The following LDLRAD4 variants were observed in gnomAD, a reference collection of about 807,000 sequenced individuals.
LDLRAD4 encodes the protein low density lipoprotein receptor class A domain containing 4.
A neutral mutation model predicts 17.0 loss-of-function variants in LDLRAD4; 5 were observed. The ratio of observed to expected loss-of-function variants is 0.29; its 90% CI spans 0.15 to 0.62. LDLRAD4 has a LOEUF of 0.62. Ranked by LOEUF, LDLRAD4 falls within the 20% of genes least tolerant of loss-of-function variation. The pLI is 0.84. For synonymous variants in LDLRAD4, 168 were observed against 171.8 expected (o/e 0.98, Z 0.17); for missense variants, 340 against 424.7 (o/e 0.80, Z 1.75).
intron 2 of LDLRAD4, among the ~76,000 whole-genome samples, chr18:13,433,877 C>G (rs1053219718): frequency 6.6e-6 from 1 of 152,118 alleles, no homozygotes; most frequent in Admixed American, 6.5e-5. Context: ...ACCCAACTGG[C>G]TGATGTTAGT....
At chr18:13,293,225 A>G (rs1003062247) in intron 1 of LDLRAD4, among the ~76,000 whole-genome samples, 3 of 152,194 alleles carry the variant, frequency 2.0e-5, no homozygotes, top group Admixed American at 2.0e-4. Context: ...TTTTCTAGAC[A>G]TATTCATTTA....
intron 1 of LDLRAD4, among the ~76,000 whole-genome samples, chr18:13,252,481 G>T (rs1270274323): frequency 6.6e-6 from 1 of 152,250 alleles, no homozygotes; most frequent in Non-Finnish European, 1.5e-5. Flanking sequence ...TAGGTGCGGG[G>T]ACCCAGGGTG....
At chr18:13,217,956 G>GCGCGCCGCGCTCCCCGCCGGCCCGC (rs2041248286), upstream of LDLRAD4, 1 of 149,244 alleles carries the variant, frequency 6.7e-6, no homozygotes. The surrounding 1 kb of genome is among the most constrained non-coding windows in gnomAD (Gnocchi z 4.9). Context: ...AAGAACCCCG[G>GCGCGCCGCGCTCCCCGCCGGCCCGC]CGCGCCGCGC....
intron 3 of LDLRAD4, among the ~76,000 whole-genome samples, chr18:13,594,959 G>T (rs1470355865): frequency 6.6e-6 from 1 of 151,930 alleles, no homozygotes; most frequent in African/African-American, 2.4e-5. Context: ...TCTTGATTTA[G>T]TTTTGGTCAT....
intron 2 of LDLRAD4, among the ~76,000 whole-genome samples, chr18:13,408,373 CAAAA>C (rs1409612495): frequency 1.9e-5 from 1 of 51,904 alleles, no homozygotes; most frequent in African/African-American, 6.5e-5. Flanking sequence ...GACCCTGTCT[CAAAA>C]AAAAAAAAAA....
rs572342042 is a variant in LDLRAD4 at position 13,624,162 on chromosome 18, G to T, written c.336+2891G>T. ...TGAGGCGGAGGAGCCGGCCCCACCAGGTGCTGAGCACTGCCGGACCCACCA... is the reference window on the plus strand; with the variant it reads ...TGAGGCGGAGGAGCCGGCCCCACCATGTGCTGAGCACTGCCGGACCCACCA... On this transcript the variant is annotated intron_variant, in intron 4 of 5. Transcript: ENST00000359446. 1.9e-4 allele frequency among the ~76,000 whole-genome samples: 17 copies of T among 91,488 alleles called. 1 individual carries two copies. The South Asian group carries it at 5.3e-3, about 28-fold the overall frequency. The allele number at this position is 91,488 out of a possible 152,430, so 60.0% of individuals were successfully genotyped here.
At chr18:13,628,570 C>G (rs975997049) in intron 4 of LDLRAD4, among the ~76,000 whole-genome samples, 1 of 152,216 alleles carries the variant, frequency 6.6e-6, no homozygotes, top group Admixed American at 6.5e-5. Flanking sequence ...TTTGCTATGT[C>G]TAATTGAAGC....
At chr18:13,607,118 G>C (rs2095232558) in intron 3 of LDLRAD4, among the ~76,000 whole-genome samples, 3 of 152,208 alleles carry the variant, frequency 2.0e-5, no homozygotes, top group African/African-American at 7.2e-5. Flanking sequence ...TTCTGAGCTT[G>C]CTACCACTGA....
At chr18:13,383,330 G>A (rs2085529040) in intron 1 of LDLRAD4, among the ~76,000 whole-genome samples, 1 of 152,216 alleles carries the variant, frequency 6.6e-6, no homozygotes, top group African/African-American at 2.4e-5. Context: ...GCACTTGTGG[G>A]GGAGACGGGC....
At chr18:13,303,185 C>A (rs1354127432) in intron 1 of LDLRAD4, among the ~76,000 whole-genome samples, 1 of 152,226 alleles carries the variant, frequency 6.6e-6, no homozygotes, top group Non-Finnish European at 1.5e-5. Context: ...GGTGCCTAGA[C>A]CCCGGCCCAG....
At chr18:13,369,812 C>G (rs1261670568) in intron 1 of LDLRAD4, among the ~76,000 whole-genome samples, 5 of 152,214 alleles carry the variant, frequency 3.3e-5, no homozygotes, top group Non-Finnish European at 5.9e-5. Context: ...TGGTAATAAA[C>G]TCCACGTGGG....
chr18:13,620,117 C>A (rs754661195), intron 3 of LDLRAD4, among the ~76,000 whole-genome samples: 26 of 152,278 alleles, frequency 1.7e-4, no homozygotes, highest in Middle Eastern at 3.4e-3. Context: ...ACTGGGGAGG[C>A]ACCACCTGAT....
chr18:13,628,266 G>T (rs573225201), intron 4 of LDLRAD4, among the ~76,000 whole-genome samples: 48 of 152,172 alleles, frequency 3.2e-4, no homozygotes, highest in African/African-American at 1.2e-3. Flanking sequence ...AGTTGTACTC[G>T]GTCTGCCTCT....
chr18:13,546,602 T>C (rs910114301), intron 3 of LDLRAD4, among the ~76,000 whole-genome samples: 16 of 152,090 alleles, frequency 1.1e-4, no homozygotes, highest in Admixed American at 5.9e-4. Context: ...TTTTTTTAAA[T>C]ACCACACACT....
intron 1 of LDLRAD4, among the ~76,000 whole-genome samples, chr18:13,225,476 G>T (rs1177938998): frequency 6.6e-6 from 1 of 152,232 alleles, no homozygotes; most frequent in African/African-American, 2.4e-5. Flanking sequence ...GCATGGGGCT[G>T]ATTAAGTTAC....
At chr18:13,532,413 G>C (rs1338501758) in intron 3 of LDLRAD4, among the ~76,000 whole-genome samples, 1 of 152,198 alleles carries the variant, frequency 6.6e-6, no homozygotes, top group East Asian at 1.9e-4. Context: ...ACTAGGATTT[G>C]GTGATCTGAG....
At chr18:13,543,681 G>A (rs183943603) in intron 3 of LDLRAD4, 2 of 152,314 alleles carry the variant, frequency 1.3e-5, no homozygotes, top group Admixed American at 1.3e-4. Context: ...GTAGATTGGT[G>A]GAGTCACCTG....
At chr18:13,551,879 G>C (rs2094438425) in intron 3 of LDLRAD4, among the ~76,000 whole-genome samples, 1 of 152,200 alleles carries the variant, frequency 6.6e-6, no homozygotes, top group East Asian at 1.9e-4. Flanking sequence ...TATGGTGCCA[G>C]CATCTGTTTC....
chr18:13,222,687 A>G (rs2041528566), intron 1 of LDLRAD4, among the ~76,000 whole-genome samples: 1 of 152,078 alleles, frequency 6.6e-6, no homozygotes, highest in Non-Finnish European at 1.5e-5. Context: ...CCTTGCTTTT[A>G]TTTTTGGCTC....
Sources: allele counts gnomAD v4.1 joint callset (sites outside exome capture counted in the v4.1 genomes callset), GRCh38; gene constraint gnomAD v4.1.1; non-coding constraint Gnocchi (gnomAD v3.1); transcripts MANE v1.5; gene names NCBI Gene and HGNC (gene_info 2026-07-23, HGNC 2026-07-21).